KCNN2: variants seen among roughly 807,000 people sequenced by gnomAD.
KCNN2 encodes the protein small conductance calcium-activated potassium channel protein 2.
In KCNN2, 24 loss-of-function variants were observed where a neutral mutation model predicts 55.5. The ratio of observed to expected loss-of-function variants is 0.43; its 90% CI spans 0.31 to 0.61. KCNN2 has a LOEUF of 0.61. Among genes scored for constraint, KCNN2 ranks in the 20% least tolerant of loss-of-function variants. The pLI is 0.08. For synonymous variants in KCNN2, 431 were observed against 336.1 expected (o/e 1.28, Z -3.09); for missense variants, 754 against 853.6 (o/e 0.88, Z 1.45).
intron 1 of KCNN2, among the ~76,000 whole-genome samples, chr5:114,139,610 TA>T (rs1752236534): frequency 6.7e-6 from 1 of 150,188 alleles, no homozygotes; most frequent in Non-Finnish European, 1.5e-5. Flanking sequence ...ATATAATATA[TA>T]AAAATATAGT....
At chr5:114,075,668 G>A (rs1410866856) in intron 1 of KCNN2, among the ~76,000 whole-genome samples, 1 of 152,170 alleles carries the variant, frequency 6.6e-6, no homozygotes, top group Non-Finnish European at 1.5e-5. Context: ...TTATCAAGAG[G>A]TAGGGCCCAT....
chr5:114,358,244 G>A (rs1014569038), upstream of KCNN2, among the ~76,000 whole-genome samples: 1 of 151,788 alleles, frequency 6.6e-6, no homozygotes, highest in Admixed American at 6.5e-5. Flanking sequence ...AATCTACAAT[G>A]AACTCAAACA....
chr5:114,420,666 A>G (rs1314607864), intron 3 of KCNN2, among the ~76,000 whole-genome samples: 1 of 152,252 alleles, frequency 6.6e-6, no homozygotes, highest in Non-Finnish European at 1.5e-5. Flanking sequence ...AAGATACCAG[A>G]TATCAGAGAC....
chr5:114,284,166 G>T (rs961788361), intron 2 of KCNN2, among the ~76,000 whole-genome samples: 10 of 152,176 alleles, frequency 6.6e-5, no homozygotes, highest in East Asian at 1.9e-4. Context: ...ATCTCTTTTT[G>T]TTCTATTCTC....
At chr5:114,064,816 T>G (rs1750410840) in intron 1 of KCNN2, among the ~76,000 whole-genome samples, 1 of 152,144 alleles carries the variant, frequency 6.6e-6, no homozygotes, top group Non-Finnish European at 1.5e-5. Context: ...TTACTGTATA[T>G]TAGAAGGGAA....
chr5:114,406,460 A>T (rs375668101), intron 3 of KCNN2, among the ~76,000 whole-genome samples: 1 of 151,746 alleles, frequency 6.6e-6, no homozygotes, highest in Admixed American at 6.6e-5. Context: ...CTATGTTTAC[A>T]TTGTTATTAC....
chr5:114,259,110 T>G (rs766164520), intron 2 of KCNN2, among the ~76,000 whole-genome samples: 6 of 152,150 alleles, frequency 3.9e-5, no homozygotes, highest in Non-Finnish European at 7.4e-5. Flanking sequence ...CAGAGCTGAG[T>G]ACAGTGCCTT....
intron 2 of KCNN2, among the ~76,000 whole-genome samples, chr5:114,245,839 A>G (rs966573975): frequency 7.2e-5 from 11 of 152,328 alleles, no homozygotes; most frequent in Non-Finnish European, 1.5e-4. Flanking sequence ...GACATATCTT[A>G]TGTGCTAAGC....
intron 1 of KCNN2, among the ~76,000 whole-genome samples, chr5:114,156,844 T>A (rs559120960): frequency 6.1e-4 from 93 of 152,248 alleles, no homozygotes; most frequent in African/African-American, 2.2e-3. Context: ...ATGCAGTCCA[T>A]GTTAGTTCCT....
intron 1 of KCNN2, among the ~76,000 whole-genome samples, chr5:114,195,336 A>G (rs1753532016): frequency 6.6e-6 from 1 of 151,888 alleles, no homozygotes; most frequent in Non-Finnish European, 1.5e-5. Flanking sequence ...AATGTCTTTC[A>G]ATTTATTTGG....
intron 1 of KCNN2, among the ~76,000 whole-genome samples, chr5:114,083,070 T>C (rs1032149608): frequency 6.6e-6 from 1 of 152,172 alleles, no homozygotes; most frequent in East Asian, 1.9e-4. Context: ...TTTTGTCATA[T>C]GTATTTTACC....
At chr5:114,284,464 C>A (rs1027380670) in intron 2 of KCNN2, among the ~76,000 whole-genome samples, 1 of 152,152 alleles carries the variant, frequency 6.6e-6, no homozygotes, top group African/African-American at 2.4e-5. Flanking sequence ...TCATTGGCTA[C>A]TCACATAACA....
intron 2 of KCNN2, among the ~76,000 whole-genome samples, chr5:114,332,491 G>A (rs1756842420): frequency 6.6e-6 from 1 of 152,232 alleles, no homozygotes; most frequent in African/African-American, 2.4e-5. Flanking sequence ...GGTCAACAAA[G>A]CTGGGAATAG....
At chr5:114,287,877 G>A (rs1755787582) in intron 2 of KCNN2, among the ~76,000 whole-genome samples, 3 of 151,984 alleles carry the variant, frequency 2.0e-5, no homozygotes, top group Admixed American at 1.3e-4. Context: ...GTTTTATTGT[G>A]TTTTAGTTTT....
intron 3 of KCNN2, among the ~76,000 whole-genome samples, chr5:114,442,285 TAGAG>T (rs949697716): frequency 1.3e-5 from 2 of 150,814 alleles, no homozygotes; most frequent in African/African-American, 2.4e-5. Flanking sequence ...ACTGTATATA[TAGAG>T]AGAGAGAGTC....
chr5:114,423,954 A>G (rs182474688), intron 3 of KCNN2, among the ~76,000 whole-genome samples: 150 of 152,298 alleles, frequency 9.8e-4, no homozygotes, highest in Middle Eastern at 6.8e-3. Flanking sequence ...TCAGAGAAGT[A>G]TCTGTGTCCA....
At chr5:114,303,547 C>G (rs563696784) in intron 2 of KCNN2, among the ~76,000 whole-genome samples, 1 of 152,154 alleles carries the variant, frequency 6.6e-6, no homozygotes, top group Non-Finnish European at 1.5e-5. Flanking sequence ...CCTGACAGCT[C>G]GGAACCACTG....
chr5:114,263,258 G>A (rs563597131), intron 2 of KCNN2, among the ~76,000 whole-genome samples: 24 of 152,268 alleles, frequency 1.6e-4, no homozygotes, highest in African/African-American at 4.8e-4. Flanking sequence ...TCACCATCTC[G>A]TCTCAAGAAA....
intron 1 of KCNN2, among the ~76,000 whole-genome samples, chr5:114,154,667 G>T (rs771694710): frequency 6.6e-6 from 1 of 152,072 alleles, no homozygotes; most frequent in Non-Finnish European, 1.5e-5. Flanking sequence ...TTCTAGTTTG[G>T]GTTGTTAAAC....
Sources: gnomAD v4.1 joint callset for allele counts (sites outside exome capture counted in the v4.1 genomes callset) on GRCh38, gnomAD v4.1.1 for gene constraint, MANE v1.5 for transcripts, NCBI Gene and HGNC (gene_info 2026-07-23, HGNC 2026-07-21) for gene names.